ITGA8: variants seen among roughly 807,000 people sequenced by gnomAD.
ITGA8 encodes integrin alpha-8.
Under a neutral mutation model 142.3 loss-of-function variants are expected in ITGA8, and 91 were observed. The ratio of observed to expected loss-of-function variants is 0.64; its 90% confidence interval spans 0.54 to 0.76. The LOEUF (loss-of-function observed/expected upper bound fraction) is 0.76, where lower values mean the gene tolerates loss of function less well. Ranked by LOEUF, ITGA8 falls within the 30% of genes least tolerant of loss-of-function variation. The probability of loss-of-function intolerance (pLI) is 0.00; values close to 1 mark genes in which losing one functional copy is unlikely to be tolerated. For missense variants in ITGA8, 1,406 were observed against 1,327.7 expected (o/e 1.06, Z -0.92); for synonymous variants, 505 against 485.2 (o/e 1.04, Z -0.54).
chr10:15,689,413 A>G (rs1229026490), intron 2 of ITGA8, among the ~76,000 whole-genome samples: 1 of 152,238 alleles, frequency 6.6e-6, no homozygotes, highest in African/African-American at 2.4e-5. Context: ...CGCCTCCACC[A>G]TTTCATCTCC....
intron 10 of ITGA8, among the ~76,000 whole-genome samples, chr10:15,655,810 G>A (rs1036331635): frequency 1.3e-5 from 2 of 152,098 alleles, no homozygotes; most frequent in African/African-American, 2.4e-5. Context: ...TTCAGGCTGG[G>A]TGTGGTGGCT....
intron 2 of ITGA8, 83 bp downstream of exon 2, chr10:15,718,683 C>G: frequency 6.4e-7 from 1 of 1,555,600 alleles, no homozygotes. Flanking sequence ...AGCAGCACAC[C>G]AAGACAGCGG....
intron 27 of ITGA8, among the ~76,000 whole-genome samples, chr10:15,544,407 G>A (rs1833631386): frequency 6.6e-6 from 1 of 152,110 alleles, no homozygotes; most frequent in African/African-American, 2.4e-5. Flanking sequence ...GCCTCCAGGA[G>A]GAACCAACCC....
At chr10:15,517,341 T>A (rs556054657) in intron 29 of ITGA8, 97 bp from the exon 30 acceptor site, 51 of 692,334 alleles carry the variant, frequency 7.4e-5, no homozygotes, top group East Asian at 1.6e-4. Flanking sequence ...TTTTTTTTTT[T>A]AAACTGAGTC....
intron 2 of ITGA8, among the ~76,000 whole-genome samples, chr10:15,708,213 C>T (rs1470543539): frequency 3.3e-5 from 5 of 152,106 alleles, no homozygotes; most frequent in Non-Finnish European, 1.5e-5. Context: ...CTCTTTTCCC[C>T]CCTTAGATGA....
chr10:15,627,106 C>A (rs909303169), intron 13 of ITGA8, among the ~76,000 whole-genome samples: 2 of 152,114 alleles, frequency 1.3e-5, no homozygotes, highest in Non-Finnish European at 2.9e-5. Flanking sequence ...ACAGACACTC[C>A]CCTGCCTTCC....
chr10:15,678,073 G>A (rs1346617411), intron 5 of ITGA8, among the ~76,000 whole-genome samples: 1 of 152,042 alleles, frequency 6.6e-6, no homozygotes, highest in East Asian at 1.9e-4. Flanking sequence ...CCCCTTCTCA[G>A]GAGAAAGAGC....
chr10:15,675,184 G>A (rs953296132), intron 6 of ITGA8, among the ~76,000 whole-genome samples: 1 of 152,136 alleles, frequency 6.6e-6, no homozygotes, highest in African/African-American at 2.4e-5. Context: ...ACTCTAGATG[G>A]TCTCTGGGCT....
chr10:15,659,922 A>T (rs565268936), intron 9 of ITGA8, among the ~76,000 whole-genome samples: 1 of 152,284 alleles, frequency 6.6e-6, no homozygotes, highest in Non-Finnish European at 1.5e-5. Context: ...TGTCCTGCCC[A>T]CAATTTGATG....
chr10:15,675,509 A>C (rs1053833370), intron 6 of ITGA8, among the ~76,000 whole-genome samples: 2 of 152,236 alleles, frequency 1.3e-5, no homozygotes, highest in Non-Finnish European at 2.9e-5. Flanking sequence ...GAAACAGACA[A>C]CTTTACCTGA....
At chr10:15,597,858 T>G (rs1473217431) in intron 20 of ITGA8, among the ~76,000 whole-genome samples, 1 of 152,202 alleles carries the variant, frequency 6.6e-6, no homozygotes, top group East Asian at 1.9e-4. Context: ...TCCTATTTCC[T>G]TTCCTTCCCT....
rs762173798 is a variant in ITGA8, at chr10:15,678,704, G to A, written c.630+18C>T. ...AATCAGATTAAATATTAGGAACTGC[G>A]AGACCAAAATAATTCACCTTATAAA... On this transcript the variant is annotated intron_variant, in intron 5 of 29. Transcript: ENST00000378076. The A allele has an allele frequency of 3.2e-6, 5 of 1,585,382 alleles. No homozygotes were observed. The highest frequency in any genetic ancestry group is 1.7e-5 in the Admixed American group (1 of 59,622).
chr10:15,648,445 A>G (rs553436628), intron 11 of ITGA8, among the ~76,000 whole-genome samples: 9 of 150,216 alleles, frequency 6.0e-5, no homozygotes, highest in Middle Eastern at 3.5e-3. Context: ...ACATTAATGT[A>G]TGAAATATAT....
At chr10:15,646,770 A>G in intron 12 of ITGA8, 76 bp downstream of exon 12, 1 of 1,061,560 alleles carries the variant, frequency 9.4e-7, no homozygotes, top group South Asian at 1.4e-5. Flanking sequence ...CATACTGAAT[A>G]CTTTAAAACA....
At chr10:15,690,339 T>G (rs1045149691) in intron 2 of ITGA8, among the ~76,000 whole-genome samples, 1 of 152,182 alleles carries the variant, frequency 6.6e-6, no homozygotes, top group African/African-American at 2.4e-5. Context: ...TTCCAGGGCC[T>G]GAGCCTCTGA....
intron 2 of ITGA8, among the ~76,000 whole-genome samples, chr10:15,702,089 C>T (rs938000824): frequency 4.6e-5 from 7 of 152,056 alleles, no homozygotes; most frequent in Non-Finnish European, 7.4e-5. Context: ...TACTCCAAAA[C>T]CACTCTGAAA....
intron 2 of ITGA8, among the ~76,000 whole-genome samples, chr10:15,694,073 AATCT>A (rs1440300207): frequency 6.8e-6 from 1 of 147,158 alleles, no homozygotes; most frequent in Admixed American, 6.9e-5. Flanking sequence ...TATTTTTAAA[AATCT>A]ATCTATATTA....
chr10:15,565,494 G>C (rs1834060974), intron 25 of ITGA8, among the ~76,000 whole-genome samples: 1 of 149,836 alleles, frequency 6.7e-6, no homozygotes, highest in Admixed American at 6.7e-5. Flanking sequence ...TGTGGTCAAG[G>C]CTGTCAAAAT....
intron 26 of ITGA8, 98 bp from the exon 27 acceptor site, chr10:15,548,666 C>T: frequency 1.4e-6 from 1 of 692,914 alleles, no homozygotes; most frequent in Non-Finnish European, 2.4e-6. Context: ...CAAAAGTCAT[C>T]ACCTTATGAT....
Sources: allele counts gnomAD v4.1 joint callset (sites outside exome capture counted in the v4.1 genomes callset), GRCh38; gene constraint gnomAD v4.1.1; transcripts MANE v1.5; gene names NCBI Gene and HGNC (gene_info 2026-07-23, HGNC 2026-07-21).